The following CNTNAP2 variants were observed in gnomAD, a reference collection of about 807,000 sequenced individuals.
CNTNAP2 encodes the protein contactin-associated protein-like 2.
In CNTNAP2, 98 loss-of-function variants were observed where a neutral mutation model predicts 155.2. The observed-to-expected ratio is 0.63, with a 90% CI of 0.54 to 0.75. The LOEUF is 0.75. Among genes scored for constraint, CNTNAP2 ranks in the 30% least tolerant of loss-of-function variants. The probability of loss-of-function intolerance (pLI) is 0.00; values close to 1 mark genes in which losing one functional copy is unlikely to be tolerated. For synonymous variants in CNTNAP2, 651 were observed against 631.2 expected, an observed-to-expected ratio of 1.03 and a Z score of -0.47; for missense variants, 1,727 against 1,688.1, an observed-to-expected ratio of 1.02 and a Z score of -0.40.
At chr7:147,919,752 C>G (rs1224255115) in intron 14 of CNTNAP2, among the ~76,000 whole-genome samples, 2 of 151,604 alleles carry the variant, frequency 1.3e-5, no homozygotes. Context: ...GCCACCACGC[C>G]CAGCCTACAT....
At chr7:147,463,843 C>A (rs1798066186) in intron 10 of CNTNAP2, among the ~76,000 whole-genome samples, 1 of 150,050 alleles carries the variant, frequency 6.7e-6, no homozygotes, top group South Asian at 2.1e-4. Context: ...TAGTTTACCA[C>A]AATATTTATT....
chr7:146,988,949 A>G (rs1798163063), intron 3 of CNTNAP2, among the ~76,000 whole-genome samples: 1 of 152,190 alleles, frequency 6.6e-6, no homozygotes, highest in Non-Finnish European at 1.5e-5. Flanking sequence ...TCTACTTTGT[A>G]CTGCACAATC....
chr7:146,896,788 TAGTA>T (rs1213100456), intron 3 of CNTNAP2, among the ~76,000 whole-genome samples: 2 of 152,092 alleles, frequency 1.3e-5, no homozygotes, highest in East Asian at 1.9e-4. Flanking sequence ...AATTTTACTT[TAGTA>T]AGTAATTTTA....
intron 18 of CNTNAP2, among the ~76,000 whole-genome samples, chr7:148,216,259 T>C (rs1409370476): frequency 6.6e-6 from 1 of 152,238 alleles, no homozygotes; most frequent in Non-Finnish European, 1.5e-5. Flanking sequence ...AAGGGTTTCT[T>C]TCTTCTAATT....
rs537242462 is a variant in CNTNAP2 at position 146,935,353 on chromosome 7, C to A, written c.402+95449C>A. On this transcript the variant is annotated intron_variant, in intron 3 of 23. Coordinates refer to ENST00000361727, the MANE Select transcript of CNTNAP2 (RefSeq NM_014141.6). ...GGCAGCCAGACTTATATGTAGATAA[C>A]CTTATATTTTGATAGATAAAATATG... Among the ~76,000 whole-genome samples the A allele has an allele frequency of 3.9e-5, 6 of 152,290 alleles. No individual in the cohort carries two copies. The East Asian group carries it at 9.7e-4, about 25-fold the overall frequency.
rs115526841 is a variant in CNTNAP2 at position 148,118,858 on chromosome 7, A to G, written c.2554+570A>G. Among the ~76,000 whole-genome samples the G allele has an allele frequency of 6.4e-3, 969 of 152,300 alleles. 6 individuals are homozygous for G. The highest frequency in any genetic ancestry group is 0.022 in the African/African-American group (922 of 41,568). On this transcript the variant is annotated intron_variant, in intron 16 of 23. Transcript: ENST00000361727. ...GTACTTAGCCAAAGATACAGAGACA[A>G]TAAGAGGCAGAGCAAGAGAGGATGC... is the stretch of plus-strand genomic sequence containing the variant.
At chr7:147,124,905 G>A (rs1467595561) in intron 6 of CNTNAP2, among the ~76,000 whole-genome samples, 2 of 99,996 alleles carry the variant, frequency 2.0e-5, no homozygotes, top group Non-Finnish European at 3.6e-5. Context: ...TTTTTGAGAT[G>A]AAGTCTTGCT....
chr7:146,399,493 A>T (rs1461604205), intron 1 of CNTNAP2, among the ~76,000 whole-genome samples: 1 of 152,186 alleles, frequency 6.6e-6, no homozygotes, highest in African/African-American at 2.4e-5. Context: ...GTATTTGCAG[A>T]TGACATAATT....
chr7:146,412,959 A>G (rs73738758), intron 1 of CNTNAP2, among the ~76,000 whole-genome samples: 2,043 of 152,234 alleles, frequency 0.013, 41 homozygotes, highest in African/African-American at 0.046. Flanking sequence ...TTAAATTCCA[A>G]TCGTATGAAA....
chr7:146,536,190 CA>C (rs1427598117), intron 1 of CNTNAP2, among the ~76,000 whole-genome samples: 39 of 152,098 alleles, frequency 2.6e-4, no homozygotes, highest in Non-Finnish European at 4.9e-4. Context: ...CAGCAAATTG[CA>C]CTCAGAATTA....
At chr7:147,663,967 A>C (rs2116956809) in intron 13 of CNTNAP2, among the ~76,000 whole-genome samples, 1 of 152,342 alleles carries the variant, frequency 6.6e-6, no homozygotes, top group African/African-American at 2.4e-5. Flanking sequence ...CACTTTGTTA[A>C]GCTCTCTGGA....
chr7:148,269,884 A>G (rs753154653), intron 21 of CNTNAP2, among the ~76,000 whole-genome samples: 8 of 152,210 alleles, frequency 5.3e-5, no homozygotes, highest in Non-Finnish European at 1.2e-4. Context: ...TCAGAACCAT[A>G]TGATTCCATC....
At chr7:147,187,528 A>G (rs1431780139) in intron 8 of CNTNAP2, among the ~76,000 whole-genome samples, 1 of 152,132 alleles carries the variant, frequency 6.6e-6, no homozygotes, top group Non-Finnish European at 1.5e-5. Context: ...ACCAAATACT[A>G]CATGTTCCCA....
chr7:147,792,003 G>A (rs532840572), intron 13 of CNTNAP2, among the ~76,000 whole-genome samples: 39 of 152,270 alleles, frequency 2.6e-4, no homozygotes, highest in African/African-American at 7.5e-4. Flanking sequence ...GTCTCCTAGT[G>A]TTTCCCCTAA....
chr7:146,191,213 A>G (rs1798699507), intron 1 of CNTNAP2, among the ~76,000 whole-genome samples: 1 of 151,978 alleles, frequency 6.6e-6, no homozygotes, highest in African/African-American at 2.4e-5. Context: ...AAAACAGACA[A>G]ATTTTAAAGC....
chr7:147,616,565 T>A (rs1296143727), intron 12 of CNTNAP2, among the ~76,000 whole-genome samples: 1 of 152,196 alleles, frequency 6.6e-6, no homozygotes, highest in Non-Finnish European at 1.5e-5. Flanking sequence ...TAGTTCATCT[T>A]AGATTACTCT....
At chr7:147,708,483 G>T (rs1796351848) in intron 13 of CNTNAP2, among the ~76,000 whole-genome samples, 1 of 152,172 alleles carries the variant, frequency 6.6e-6, no homozygotes, top group African/African-American at 2.4e-5. Context: ...ATGGTGACTT[G>T]CTGTAGCTGC....
At chr7:146,913,696 A>G (rs1796335830) in intron 3 of CNTNAP2, among the ~76,000 whole-genome samples, 1 of 151,632 alleles carries the variant, frequency 6.6e-6, no homozygotes, top group Non-Finnish European at 1.5e-5. Flanking sequence ...AAACCCTATT[A>G]CCTCCCAAAG....
intron 13 of CNTNAP2, among the ~76,000 whole-genome samples, chr7:147,869,950 A>G (rs2373270): frequency 0.7 from 106,965 of 151,960 alleles, 37,861 homozygotes; most frequent in Middle Eastern, 0.8. Flanking sequence ...TCTAACCTGT[A>G]CTAAATATTT....
Sources: gnomAD v4.1 joint callset for allele counts (sites outside exome capture counted in the v4.1 genomes callset) on GRCh38, gnomAD v4.1.1 for gene constraint, MANE v1.5 for transcripts, NCBI Gene and HGNC (gene_info 2026-07-23, HGNC 2026-07-21) for gene names.